FRMPD4: variants seen among roughly 807,000 people sequenced by gnomAD.
The protein encoded by FRMPD4 is FERM and PDZ domain-containing protein 4.
Under a neutral mutation model 94.1 loss-of-function variants are expected in FRMPD4, and 22 were observed. That is an observed-to-expected ratio of 0.23 (90% CI 0.17 to 0.33). The LOEUF is 0.33. Ranked by LOEUF, FRMPD4 falls within the 10% of genes least tolerant of loss-of-function variation. The pLI, the probability that FRMPD4 is intolerant of heterozygous loss-of-function variation, is 1.00. For missense variants in FRMPD4, 1,111 were observed against 1,339.9 expected (o/e 0.83, Z 2.67); for synonymous variants, 631 against 548.6 (o/e 1.15, Z -2.10).
At chrX:12,583,628 C>T in intron 2 of FRMPD4, 3 of 465,244 alleles carry the variant, frequency 6.4e-6, no homozygotes, top group Non-Finnish European at 7.2e-6. Context: ...GCGGCCCCGC[C>T]CCCGGCCCTG....
At chrX:11,923,304 G>T (rs1034908257) in intron 3 of FRMPD4, among the ~76,000 whole-genome samples, 2 of 112,008 alleles carry the variant, frequency 1.8e-5, no homozygotes, top group Non-Finnish European at 3.8e-5. Flanking sequence ...CACTAACACT[G>T]TGCAGAGAAC....
intron 3 of FRMPD4, among the ~76,000 whole-genome samples, chrX:12,048,023 G>A (rs2054795788): frequency 8.9e-6 from 1 of 112,241 alleles, no homozygotes; most frequent in Non-Finnish European, 1.9e-5. Context: ...CCCAGTAATG[G>A]GATTGCTGGG....
At chrX:12,087,659 T>TTATA (rs1159644305) in intron 3 of FRMPD4, among the ~76,000 whole-genome samples, 1 of 112,372 alleles carries the variant, frequency 8.9e-6, no homozygotes, top group African/African-American at 3.2e-5. Context: ...ACAAATATAG[T>TTATA]TATATTATTT....
intron 1 of FRMPD4, among the ~76,000 whole-genome samples, chrX:12,190,369 A>G (rs1017979678): frequency 9.0e-6 from 1 of 111,081 alleles, no homozygotes; most frequent in Non-Finnish European, 1.9e-5. Flanking sequence ...TCTAATGTTT[A>G]TATGGAGAGG....
intron 3 of FRMPD4, among the ~76,000 whole-genome samples, chrX:11,908,195 G>A (rs1438057247): frequency 9.0e-6 from 1 of 110,934 alleles, no homozygotes; most frequent in African/African-American, 3.3e-5. Context: ...CAAAGTTTAG[G>A]CGTTTTCAAT....
intron 1 of FRMPD4, among the ~76,000 whole-genome samples, chrX:12,244,886 G>A (rs1214499170): frequency 8.9e-6 from 1 of 112,291 alleles, no homozygotes; most frequent in Non-Finnish European, 1.9e-5. Flanking sequence ...GGCCCTGAGT[G>A]TGAGTTGGGG....
At position 12,099,227 on chromosome X, in the gene FRMPD4, AT is replaced by A. The variant is rs1424839518; in HGVS notation, c.95+221210del. Among the ~76,000 whole-genome samples the A allele has an allele frequency of 8.1e-4, 89 of 110,506 alleles. 1 individual carries two copies. The highest frequency in any genetic ancestry group is 2.7e-3 in the African/African-American group (83 of 30,590). Reference sequence around the variant, plus strand: ...CTAAAACTTAAAGTATAATAAAAAAATATATATATATATTTCCAGTTGACTG... The same window carrying A: ...CTAAAACTTAAAGTATAATAAAAAAAATATATATATATTTCCAGTTGACTG... On this transcript the variant is annotated intron_variant, in intron 3 of 18. Coordinates refer to the FRMPD4 transcript ENST00000640291.
chrX:12,230,976 A>ATATAG (rs2056983898), intron 1 of FRMPD4, among the ~76,000 whole-genome samples: 9 of 56,490 alleles, frequency 1.6e-4, no homozygotes, highest in African/African-American at 5.8e-4. Context: ...ATATATAGTA[A>ATATAG]TATATATAGT....
At chrX:11,884,439 CCTT>C (rs2053833052) in intron 3 of FRMPD4, among the ~76,000 whole-genome samples, 1 of 111,685 alleles carries the variant, frequency 9.0e-6, no homozygotes, top group East Asian at 2.8e-4. Flanking sequence ...ATTTACATGT[CCTT>C]ATTCTCAGTG....
chrX:12,687,663 A>G (rs898066617), intron 7 of FRMPD4, among the ~76,000 whole-genome samples: 5 of 112,463 alleles, frequency 4.4e-5, no homozygotes, highest in African/African-American at 1.6e-4. Flanking sequence ...AGAATTAGCA[A>G]TGGGAAAGGC....
chrX:12,075,333 G>C lies in FRMPD4; in HGVS notation c.95+197315G>C, dbSNP rs767139007. On this transcript the variant is annotated intron_variant, in intron 3 of 18. Coordinates refer to the FRMPD4 transcript ENST00000640291. Reference sequence around the variant, plus strand: ...ACTCTGGTGAAGGCTGTTAGTAGTGGGGGAGGTTATGTGTGTGTGGGGGGT... The same window carrying C: ...ACTCTGGTGAAGGCTGTTAGTAGTGCGGGAGGTTATGTGTGTGTGGGGGGT... Among the ~76,000 whole-genome samples the C allele has an allele frequency of 3.7e-5, 4 of 108,516 alleles. No homozygotes were observed. In the East Asian group the frequency reaches 8.6e-4, roughly 23 times the overall value. The allele number at this position is 108,516 out of a possible 115,157, so 94.2% of individuals were successfully genotyped here. A position where few individuals can be genotyped will look rare whatever the true frequency, so the allele number is the denominator to read the frequency against.
chrX:12,161,928 G>T (rs1016774305), intron 1 of FRMPD4, among the ~76,000 whole-genome samples: 6 of 111,561 alleles, frequency 5.4e-5, no homozygotes, highest in African/African-American at 1.6e-4. Flanking sequence ...TAGATCAATA[G>T]GTATTTCAAA....
At chrX:12,149,655 TA>T (rs1818012892) in intron 1 of FRMPD4, among the ~76,000 whole-genome samples, 1 of 112,320 alleles carries the variant, frequency 8.9e-6, no homozygotes, top group African/African-American at 3.2e-5. Flanking sequence ...ATTGTTGAAA[TA>T]AAAACAATGA....
At chrX:12,427,242 G>A (rs1216730607) in intron 1 of FRMPD4, among the ~76,000 whole-genome samples, 2 of 111,583 alleles carry the variant, frequency 1.8e-5, no homozygotes, top group African/African-American at 6.5e-5. Context: ...TGTCTCTTTA[G>A]TACAAAATTT....
intron 1 of FRMPD4, among the ~76,000 whole-genome samples, chrX:12,426,256 C>T (rs1283838913): frequency 2.7e-5 from 3 of 110,797 alleles, no homozygotes; most frequent in African/African-American, 9.9e-5. Flanking sequence ...AAGATAGTAA[C>T]CCCTCTTGAA....
intron 1 of FRMPD4, among the ~76,000 whole-genome samples, chrX:12,160,584 T>C (rs1199009602): frequency 8.9e-6 from 1 of 112,011 alleles, no homozygotes; most frequent in Non-Finnish European, 1.9e-5. Context: ...ACACAACTCA[T>C]AACTAACCCT....
chrX:12,203,132 C>T (rs1477741721), intron 1 of FRMPD4, among the ~76,000 whole-genome samples: 1 of 111,807 alleles, frequency 8.9e-6, no homozygotes, highest in Non-Finnish European at 1.9e-5. Flanking sequence ...TCTCATTCCC[C>T]TGGTATCCTG....
intron 3 of FRMPD4, among the ~76,000 whole-genome samples, chrX:12,090,251 G>T (rs2055143038): frequency 9.1e-6 from 1 of 109,320 alleles, no homozygotes; most frequent in African/African-American, 3.3e-5. Flanking sequence ...CAGTTCTTAT[G>T]ATATCTGGTC....
intron 1 of FRMPD4, among the ~76,000 whole-genome samples, chrX:12,139,558 G>T (rs867168950): frequency 2.5e-3 from 270 of 107,970 alleles, no homozygotes; most frequent in Middle Eastern, 9.3e-3. Flanking sequence ...TTTTGGGGGG[G>T]GGGTAACTAT....
Sources: gnomAD v4.1 joint callset for allele counts (sites outside exome capture counted in the v4.1 genomes callset) on GRCh38, gnomAD v4.1.1 for gene constraint, MANE v1.5 for transcripts, NCBI Gene and HGNC (gene_info 2026-07-23, HGNC 2026-07-21) for gene names.